VPS13A: variants seen among roughly 807,000 people sequenced by gnomAD.
The protein encoded by VPS13A is vacuolar protein sorting 13 homolog A, also known as intermembrane lipid transfer protein VPS13A.
In VPS13A, 264 loss-of-function variants were observed where a neutral mutation model predicts 390.9. The ratio of observed to expected loss-of-function variants is 0.68; its 90% confidence interval spans 0.61 to 0.75. The LOEUF (loss-of-function observed/expected upper bound fraction) is 0.75. Among genes scored for constraint, VPS13A ranks in the 30% least tolerant of loss-of-function variants. VPS13A has a pLI of 0.00. For missense variants in VPS13A, 3,409 were observed against 3,733.9 expected (o/e 0.91, Z 2.27); for synonymous variants, 1,231 against 1,227.1 (o/e 1.00, Z -0.07).
intron 39 of VPS13A, among the ~76,000 whole-genome samples, 160 bp from the exon 40 acceptor site, chr9:77,317,446 C>T (rs941765772): frequency 4.0e-5 from 6 of 151,802 alleles, no homozygotes; most frequent in Non-Finnish European, 7.4e-5. Flanking sequence ...TCTAGATGTC[C>T]TTTATATGGG....
chr9:77,402,214 A>G (rs1834423194), intron 68 of VPS13A, among the ~76,000 whole-genome samples: 1 of 152,196 alleles, frequency 6.6e-6, no homozygotes, highest in African/African-American at 2.4e-5. Flanking sequence ...AACTTCTTCC[A>G]TGCAATTAAT....
chr9:77,321,971 A>G (rs1486075590), intron 44 of VPS13A, among the ~76,000 whole-genome samples: 2 of 151,770 alleles, frequency 1.3e-5, no homozygotes, highest in Admixed American at 1.3e-4. Context: ...TATCCTCTGC[A>G]TTATTTAGAG....
chr9:77,337,685 A>G (rs1830608955), intron 47 of VPS13A, 148 bp downstream of exon 47: 1 of 742,394 alleles, frequency 1.3e-6, no homozygotes, highest in Non-Finnish European at 2.1e-6. Flanking sequence ...TTTTGCAACA[A>G]GTATGAGAAT....
At chr9:77,239,395 A>C (rs1359747982) in intron 19 of VPS13A, among the ~76,000 whole-genome samples, 3 of 151,934 alleles carry the variant, frequency 2.0e-5, no homozygotes, top group African/African-American at 7.3e-5. Context: ...AATAATAATA[A>C]AAATTAAAAA....
intron 46 of VPS13A, among the ~76,000 whole-genome samples, chr9:77,333,867 T>C (rs1830406985): frequency 6.6e-6 from 1 of 152,186 alleles, no homozygotes; most frequent in Admixed American, 6.5e-5. Context: ...TTAACAAATA[T>C]TTATCAAGGT....
intron 39 of VPS13A, 69 bp downstream of exon 39, chr9:77,316,475 A>G: frequency 7.6e-7 from 1 of 1,322,680 alleles, no homozygotes; most frequent in Non-Finnish European, 1.1e-6. Context: ...ATTTTAGGAA[A>G]CAAAAACTAC....
chr9:77,324,416 G>C (rs1441425154), intron 45 of VPS13A, among the ~76,000 whole-genome samples: 3 of 152,016 alleles, frequency 2.0e-5, no homozygotes, highest in Non-Finnish European at 4.4e-5. Context: ...GGTTGTAAAC[G>C]TTCCCTTCTA....
chr9:77,358,093 T>C (rs991761567), intron 56 of VPS13A, among the ~76,000 whole-genome samples: 1 of 151,224 alleles, frequency 6.6e-6, no homozygotes, highest in Non-Finnish European at 1.5e-5. Context: ...GTAGCTGGGA[T>C]TACAGGTGCC....
intron 46 of VPS13A, among the ~76,000 whole-genome samples, chr9:77,336,481 T>G (rs1051951313): frequency 7.9e-5 from 12 of 152,196 alleles, no homozygotes; most frequent in African/African-American, 2.9e-4. Flanking sequence ...ATTGAAAACT[T>G]TCATTTGATT....
chr9:77,341,900 A>G (rs1405343116), intron 50 of VPS13A, among the ~76,000 whole-genome samples: 1 of 151,744 alleles, frequency 6.6e-6, no homozygotes. Flanking sequence ...GCCCATCTTT[A>G]TGTAGTTTAC....
chr9:77,238,212 C>CT, intron 18 of VPS13A, 21 bp downstream of exon 18: 1 of 1,608,782 alleles, frequency 6.2e-7, no homozygotes. Flanking sequence ...TTTTAAATTA[C>CT]TAAGTTTTAA....
chr9:77,202,103 T>C (rs1015273055), intron 3 of VPS13A, among the ~76,000 whole-genome samples: 11 of 152,166 alleles, frequency 7.2e-5, no homozygotes, highest in African/African-American at 2.7e-4. Flanking sequence ...GAAGCTATAC[T>C]GTTGTCACTT....
chr9:77,298,513 AATTAATAGTGTATCATTTTTTTTTCATGC>A (rs1428573701), intron 33 of VPS13A, among the ~76,000 whole-genome samples: 4 of 152,156 alleles, frequency 2.6e-5, no homozygotes, highest in Non-Finnish European at 5.9e-5. Context: ...GTTAACCATG[AATTAATAGTGTATCATTTTTTTTTCATGC>A]AGTACTTGGT....
chr9:77,180,781 C>A (rs1287233685), intron 1 of VPS13A, among the ~76,000 whole-genome samples: 1 of 152,120 alleles, frequency 6.6e-6, no homozygotes, highest in Non-Finnish European at 1.5e-5. Context: ...ATCTGTGTGT[C>A]TATCATTTCA....
At chr9:77,295,057 C>T (rs1827899513) in intron 32 of VPS13A, among the ~76,000 whole-genome samples, 1 of 151,586 alleles carries the variant, frequency 6.6e-6, no homozygotes, top group Non-Finnish European at 1.5e-5. Flanking sequence ...TTAATTTTTT[C>T]TTTGAACATG....
At chr9:77,366,939 C>T (rs981034421) in intron 61 of VPS13A, 67 bp downstream of exon 61, 10 of 1,542,242 alleles carry the variant, frequency 6.5e-6, no homozygotes, top group South Asian at 1.2e-5. Context: ...CTAAAAATTT[C>T]GTAAATGAAA....
intron 50 of VPS13A, among the ~76,000 whole-genome samples, chr9:77,343,562 CTG>C (rs1219401207): frequency 3.9e-5 from 6 of 152,168 alleles, no homozygotes; most frequent in African/African-American, 9.7e-5. Flanking sequence ...CCAGTCTTCT[CTG>C]TAGTACCTTG....
Position 77,396,626 on chromosome 9 carries a change from G to T in VPS13A, c.9190-6610G>T, listed in dbSNP as rs376768721. On this transcript the variant is annotated intron_variant, in intron 68 of 71. Coordinates refer to ENST00000360280, the MANE Select transcript of VPS13A (RefSeq NM_033305.3). Reference sequence around the variant, plus strand: ...TGAATACCTTCTTTTTCCTGGCCATGGCACTCGAGTCTGAGGTTTGAAGTG... The same window carrying T: ...TGAATACCTTCTTTTTCCTGGCCATTGCACTCGAGTCTGAGGTTTGAAGTG... Among the ~76,000 whole-genome samples, 138 of 152,088 alleles carry T rather than the reference G, an allele frequency of 9.1e-4. 2 individuals are homozygous for T. In the South Asian group the frequency reaches 0.028, roughly 31 times the overall value.
At chr9:77,217,582 A>G (rs746293492) in intron 10 of VPS13A, among the ~76,000 whole-genome samples, 4 of 152,128 alleles carry the variant, frequency 2.6e-5, no homozygotes, top group Admixed American at 6.5e-5. Context: ...CTGTTTCTGC[A>G]TTGTTTCACT....
Sources: allele counts gnomAD v4.1 joint callset (sites outside exome capture counted in the v4.1 genomes callset), GRCh38; gene constraint gnomAD v4.1.1; transcripts MANE v1.5; gene names NCBI Gene and HGNC (gene_info 2026-07-23, HGNC 2026-07-21).